Variants in UBE3D observed in about 807,000 individuals in gnomAD.
UBE3D encodes the protein E3 ubiquitin-protein ligase E3D.
UBE3D carries 48 observed loss-of-function variants against 49.6 expected under a neutral mutation model. The observed-to-expected ratio is 0.97, with a 90% confidence interval of 0.77 to 1.23. The LOEUF (loss-of-function observed/expected upper bound fraction) is 1.23. UBE3D is among the 50% of genes most tolerant of loss of function. UBE3D has a pLI of 0.00. For synonymous variants in UBE3D, 189 were observed against 174.2 expected, an observed-to-expected ratio of 1.08 and a Z score of -0.67; for missense variants, 452 against 468.4, an observed-to-expected ratio of 0.96 and a Z score of 0.32.
intron 8 of UBE3D, among the ~76,000 whole-genome samples, chr6:82,961,423 G>T (rs555181247): frequency 1.3e-5 from 2 of 152,142 alleles, no homozygotes; most frequent in Non-Finnish European, 2.9e-5. Flanking sequence ...AGCCCTGAAT[G>T]GTAGGCATCA....
intron 8 of UBE3D, among the ~76,000 whole-genome samples, chr6:82,992,463 T>C (rs1022917344): frequency 6.6e-6 from 1 of 152,164 alleles, no homozygotes; most frequent in African/African-American, 2.4e-5. Flanking sequence ...CCTCAGGTGA[T>C]CTGCCTGCCT....
chr6:82,950,947 C>T (rs559568262), intron 9 of UBE3D, among the ~76,000 whole-genome samples: 3 of 150,652 alleles, frequency 2.0e-5, no homozygotes, highest in African/African-American at 7.3e-5. Flanking sequence ...AGATGGTTAC[C>T]AAAGGCTGGG....
intron 9 of UBE3D, chr6:82,932,462 G>GGAAAA (rs1774233805): frequency 6.6e-6 from 1 of 152,058 alleles, no homozygotes; most frequent in African/African-American, 2.4e-5. Flanking sequence ...ACTCCATGCT[G>GGAAAA]TGATCTGCTT....
intron 9 of UBE3D, among the ~76,000 whole-genome samples, chr6:82,912,318 T>C (rs1232069483): frequency 2.0e-5 from 3 of 152,142 alleles, no homozygotes; most frequent in Non-Finnish European, 4.4e-5. Context: ...TTTTTTCTTC[T>C]GCATTCATCC....
intron 9 of UBE3D, among the ~76,000 whole-genome samples, chr6:82,915,133 G>T (rs1447257218): frequency 6.6e-6 from 1 of 152,062 alleles, no homozygotes; most frequent in Non-Finnish European, 1.5e-5. Flanking sequence ...TCTATAACTT[G>T]GGATAGGGAA....
At chr6:83,011,972 A>C (rs957953720) in intron 8 of UBE3D, among the ~76,000 whole-genome samples, 1 of 152,198 alleles carries the variant, frequency 6.6e-6, no homozygotes, top group Non-Finnish European at 1.5e-5. Context: ...ACTTTGCCCC[A>C]GCCCTGCAAA....
intron 9 of UBE3D, among the ~76,000 whole-genome samples, chr6:82,902,335 G>A (rs1562066254): frequency 1.3e-5 from 2 of 152,162 alleles, no homozygotes; most frequent in Admixed American, 1.3e-4. Flanking sequence ...ATAATAATCT[G>A]TACACGAATG....
rs150195439 is a variant in UBE3D at position 82,914,436 on chromosome 6, C to A, written c.1150-21394G>T. On this transcript the variant is annotated intron_variant, in intron 9 of 9. Coordinates refer to ENST00000369747, the MANE Select transcript of UBE3D (RefSeq NM_198920.3). The stretch of plus-strand genomic sequence containing the variant: ...TTGGGTAGAGACCAGAGCAATTAGA[C>A]CAGTGGTTTCCAAGGTGCCACAAGT... Among the ~76,000 whole-genome samples, 376 of 152,200 alleles carry A rather than the reference C, an allele frequency of 2.5e-3. 3 individuals carry two copies. The highest frequency in any genetic ancestry group is 8.8e-3 in the African/African-American group (364 of 41,512).
intron 8 of UBE3D, chr6:83,018,297 A>C (rs964914591): frequency 3.3e-5 from 5 of 152,052 alleles, no homozygotes; most frequent in African/African-American, 1.2e-4. Context: ...ATGGCTCACC[A>C]CTTCACTTCC....
chr6:82,995,684 A>G (rs1252481191), intron 8 of UBE3D, among the ~76,000 whole-genome samples: 1 of 152,240 alleles, frequency 6.6e-6, no homozygotes, highest in Non-Finnish European at 1.5e-5. Context: ...GCCTGATAGT[A>G]TCAAGTATTG....
At chr6:83,045,793 C>T (rs1444531425) in intron 3 of UBE3D, among the ~76,000 whole-genome samples, 1 of 152,090 alleles carries the variant, frequency 6.6e-6, no homozygotes, top group Admixed American at 6.5e-5. Context: ...ACTTTGAATT[C>T]CACCTGTTTT....
At chr6:82,899,859 T>A (rs1771599739) in intron 9 of UBE3D, among the ~76,000 whole-genome samples, 1 of 151,332 alleles carries the variant, frequency 6.6e-6, no homozygotes, top group Non-Finnish European at 1.5e-5. Context: ...ACTTTACTAA[T>A]GAGAGCAAAC....
At chr6:83,009,706 T>TAGAA (rs111787477) in intron 8 of UBE3D, among the ~76,000 whole-genome samples, 100,680 of 129,828 alleles carry the variant, frequency 0.78, 39,290 homozygotes, top group East Asian at 0.91. Flanking sequence ...TATAAAATCT[T>TAGAA]AGCCAAGGAT....
intron 7 of UBE3D, among the ~76,000 whole-genome samples, chr6:83,019,741 C>T (rs1216228893): frequency 2.6e-5 from 4 of 152,148 alleles, no homozygotes; most frequent in Non-Finnish European, 4.4e-5. Flanking sequence ...GATATAGAAT[C>T]ATCTGGAGTC....
At chr6:83,059,555 A>G (rs1024775025) in intron 1 of UBE3D, among the ~76,000 whole-genome samples, 12 of 152,192 alleles carry the variant, frequency 7.9e-5, no homozygotes, top group African/African-American at 2.7e-4. Context: ...TGTAGAGTTG[A>G]CACTTCCAAG....
intron 8 of UBE3D, among the ~76,000 whole-genome samples, chr6:83,016,815 G>A (rs963915187): frequency 1.3e-5 from 2 of 152,110 alleles, no homozygotes; most frequent in Non-Finnish European, 2.9e-5. Context: ...TCCCAAAGCT[G>A]AAGAACTTGG....
chr6:82,987,649 G>A (rs1778614149), intron 8 of UBE3D, among the ~76,000 whole-genome samples: 1 of 152,114 alleles, frequency 6.6e-6, no homozygotes, highest in South Asian at 2.1e-4. Flanking sequence ...TTCATATAGC[G>A]ACTTTGGAAA....
intron 1 of UBE3D, among the ~76,000 whole-genome samples, chr6:83,064,595 T>A (rs1204066661): frequency 6.6e-6 from 1 of 151,984 alleles, no homozygotes; most frequent in Non-Finnish European, 1.5e-5. Flanking sequence ...GAGGGTTTGT[T>A]GTGTGTGTGT....
intron 8 of UBE3D, among the ~76,000 whole-genome samples, chr6:83,002,243 C>T (rs1003697160): frequency 5.3e-5 from 8 of 152,106 alleles, no homozygotes; most frequent in Non-Finnish European, 7.4e-5. Context: ...AAACCTGTTC[C>T]GTAGATGCTG....
Sources: allele counts gnomAD v4.1 joint callset (sites outside exome capture counted in the v4.1 genomes callset), GRCh38; gene constraint gnomAD v4.1.1; transcripts MANE v1.5; gene names NCBI Gene and HGNC (gene_info 2026-07-23, HGNC 2026-07-21).